Variants in MTHFD1L observed in about 807,000 individuals in gnomAD.
The protein encoded by MTHFD1L is monofunctional C1-tetrahydrofolate synthase, mitochondrial.
A neutral mutation model predicts 119.5 loss-of-function variants in MTHFD1L; 81 were observed. That is an observed-to-expected ratio of 0.68 (90% confidence interval 0.57 to 0.82). The LOEUF (loss-of-function observed/expected upper bound fraction) is 0.82. Ranked by LOEUF, MTHFD1L falls within the 40% of genes least tolerant of loss-of-function variation. The pLI, the probability that MTHFD1L is intolerant of heterozygous loss-of-function variation, is 0.00. For synonymous variants in MTHFD1L, 430 were observed against 475.2 expected, an observed-to-expected ratio of 0.90 and a Z score of 1.24; for missense variants, 1,125 against 1,253.4, an observed-to-expected ratio of 0.90 and a Z score of 1.55.
chr6:150,979,137 G>A (rs943739346), intron 20 of MTHFD1L, among the ~76,000 whole-genome samples: 11 of 152,044 alleles, frequency 7.2e-5, no homozygotes, highest in Non-Finnish European at 1.3e-4. Context: ...ACTTGGGAGG[G>A]TGAGGCAGGA....
chr6:150,964,897 G>C, intron 18 of MTHFD1L, 72 bp from the exon 19 acceptor site: 1 of 1,476,560 alleles, frequency 6.8e-7, no homozygotes, highest in Non-Finnish European at 9.5e-7. Context: ...AGGCTGGAGA[G>C]AAGTGCCAAG....
intron 8 of MTHFD1L, among the ~76,000 whole-genome samples, chr6:150,917,029 G>A (rs959981833): frequency 4.6e-5 from 7 of 151,168 alleles, no homozygotes; most frequent in Non-Finnish European, 8.8e-5. Context: ...CCAAATTGCT[G>A]GGATTACAGG....
intron 4 of MTHFD1L, among the ~76,000 whole-genome samples, chr6:150,878,073 G>A (rs973025307): frequency 1.3e-5 from 2 of 152,180 alleles, no homozygotes; most frequent in Admixed American, 1.3e-4. Flanking sequence ...CTTCAGCTGC[G>A]GTGGCAGCGT....
Position 151,015,574 on chromosome 6 carries a change from T to A in MTHFD1L, c.2467T>A (p.Phe823Ile). ...TGAGCTTGCAAAGCGGGCTGGTGCCTTTGATGCAGTCCCCTGCTATCACTG... is the reference window on the plus strand; with the variant it reads ...TGAGCTTGCAAAGCGGGCTGGTGCCATTGATGCAGTCCCCTGCTATCACTG... ...VCELAKRAGAFDAVPCYHWSV... is the reference protein window; with the variant it reads ...VCELAKRAGAIDAVPCYHWSV... The change falls in exon 24 of 28, where the codon TTT becomes ATT. Residue 823 changes from phenylalanine (F) to isoleucine (I), a missense_variant. Coordinates refer to ENST00000367321, the MANE Select transcript of MTHFD1L (RefSeq NM_015440.5). 6.2e-7 allele frequency: 1 copy of A among 1,614,188 alleles called. No individual in the cohort carries two copies. The highest frequency in any genetic ancestry group is 1.1e-5 in the South Asian group (1 of 91,082).
intron 20 of MTHFD1L, among the ~76,000 whole-genome samples, chr6:151,004,663 A>G (rs1054829010): frequency 3.3e-5 from 5 of 152,102 alleles, no homozygotes; most frequent in Non-Finnish European, 7.4e-5. Context: ...TATTTACCCA[A>G]ATTGTCCCTT....
At chr6:150,894,948 T>G (rs1368616869) in intron 7 of MTHFD1L, among the ~76,000 whole-genome samples, 4 of 152,200 alleles carry the variant, frequency 2.6e-5, no homozygotes, top group Non-Finnish European at 5.9e-5. Context: ...TTTCCAGGCT[T>G]GGAGATGCGT....
At chr6:151,092,346 T>C in intron 26 of MTHFD1L, 121 bp from the exon 27 acceptor site, 1 of 689,118 alleles carries the variant, frequency 1.5e-6, no homozygotes, top group Non-Finnish European at 2.5e-6. Flanking sequence ...AAGAGATATA[T>C]CCCATATAAA....
At chr6:151,091,245 T>TTCCATGCGACTGGGTGCAGCATCGC (rs1794412094) in intron 26 of MTHFD1L, among the ~76,000 whole-genome samples, 1 of 36,204 alleles carries the variant, frequency 2.8e-5, no homozygotes, top group Admixed American at 3.2e-4. Context: ...TGCAGCATCG[T>TTCCATGCGACTGGGTGCAGCATCGC]TCCATGCGAC....
Position 150,971,246 on chromosome 6 carries a change from G to A in MTHFD1L, c.2014-701G>A, listed in dbSNP as rs377240608. Among the ~76,000 whole-genome samples, 133 of 151,924 alleles carry A rather than the reference G, an allele frequency of 8.8e-4. 1 individual carries two copies. Among genetic ancestry groups the A allele is most frequent in the Middle Eastern group, 6.8e-3 (2 of 294 alleles). ...CAGAGTCGGTCTGTCACCCACACTG[G>A]AGTGCAGTGGTGCGATCTCAGCTCA... On this transcript the variant is annotated intron_variant, in intron 19 of 27. Coordinates refer to ENST00000367321, the MANE Select transcript of MTHFD1L (RefSeq NM_015440.5).
intron 5 of MTHFD1L, among the ~76,000 whole-genome samples, chr6:150,883,769 T>A (rs1177637649): frequency 6.6e-6 from 1 of 152,142 alleles, no homozygotes; most frequent in Admixed American, 6.6e-5. Context: ...TTCCTGGGGA[T>A]TAAAACCCCA....
chr6:151,039,802 C>A lies in MTHFD1L; in HGVS notation c.2847+2685C>A, dbSNP rs1395236910. On this transcript the variant is annotated intron_variant, in intron 26 of 27. Transcript: ENST00000367321. The surrounding 1 kb of genome is among the most constrained non-coding windows in gnomAD (Gnocchi z 4.4). ...GGGTGGTGGGCACCTATAATCCCAG[C>A]TGCTCAGGAGGCTGAGGCAGGAGAA... Among the ~76,000 whole-genome samples the A allele has an allele frequency of 6.6e-6, 1 of 152,122 alleles. No homozygotes were observed. The highest frequency in any genetic ancestry group is 1.5e-5 in the Non-Finnish European group (1 of 68,036).
chr6:150,869,439 T>C lies in MTHFD1L; in HGVS notation c.227+3390T>C, dbSNP rs187356727. ...GAGAACATGGGGTGTTTGGTTTCTG[T>C]TCCTGTGTTGGTTTGCTGAGGATGA... On this transcript the variant is annotated intron_variant, in intron 1 of 27. Coordinates refer to ENST00000367321, the MANE Select transcript of MTHFD1L (RefSeq NM_015440.5). Among the ~76,000 whole-genome samples the C allele has an allele frequency of 2.3e-3, 347 of 152,286 alleles. 3 individuals are homozygous for C. Among genetic ancestry groups the C allele is most frequent in the African/African-American group, 7.8e-3 (325 of 41,560 alleles).
At chr6:150,947,416 T>C (rs1471003526) in intron 15 of MTHFD1L, among the ~76,000 whole-genome samples, 5 of 151,632 alleles carry the variant, frequency 3.3e-5, no homozygotes, top group African/African-American at 1.2e-4. Context: ...TCTTAAGATG[T>C]TTTATTTACA....
Position 150,865,871 on chromosome 6 carries a change from C to G in MTHFD1L, c.49C>G (p.Gln17Glu), listed in dbSNP as rs1270189287. The G allele has an allele frequency of 2.5e-6, 3 of 1,212,672 alleles. No homozygotes were observed. In the East Asian group the frequency reaches 1.2e-4, roughly 47 times the overall value. 75.1% of individuals were successfully genotyped at this position (1,212,672 alleles called of 1,614,324 possible). Residue 17 changes from glutamine to glutamate, a missense_variant, in exon 1 of 28, where the codon CAG becomes GAG. Transcript: ENST00000367321. ...CCTGCGCCAGCTCCGCCGCCCGCCC[C>G]AGCCCCCGGGCCCTCCGCGCCGCCT... ...LVLRQLRRPP[Q>E]PPGPPRRLRV... is the part of the protein sequence containing the mutation.
intron 9 of MTHFD1L, 135 bp downstream of exon 9, chr6:150,918,803 G>C (rs1788424440): frequency 4.4e-6 from 3 of 685,900 alleles, no homozygotes; most frequent in South Asian, 3.7e-5. Flanking sequence ...CATTTGATAA[G>C]TGAAGAAATG....
At chr6:150,912,588 C>T in intron 8 of MTHFD1L, 1 of 435,852 alleles carries the variant, frequency 2.3e-6, no homozygotes, top group Non-Finnish European at 4.8e-6. Context: ...GGTCTCTGCA[C>T]TGCTCATATT....
At chr6:151,012,019 CAA>C (rs1043831602) in intron 21 of MTHFD1L, among the ~76,000 whole-genome samples, 8 of 58,826 alleles carry the variant, frequency 1.4e-4, no homozygotes, top group Admixed American at 2.4e-4. Flanking sequence ...ACAACAACAA[CAA>C]AAAAAAAAAA....
At chr6:150,889,126 G>A (rs1222093745) in intron 7 of MTHFD1L, among the ~76,000 whole-genome samples, 18 of 151,550 alleles carry the variant, frequency 1.2e-4, no homozygotes, top group South Asian at 4.1e-4. Flanking sequence ...GCAGTGAGCC[G>A]CGATCGTGCC....
intron 5 of MTHFD1L, among the ~76,000 whole-genome samples, chr6:150,885,071 A>G (rs956755566): frequency 1.9e-4 from 29 of 152,130 alleles, no homozygotes; most frequent in African/African-American, 6.5e-4. Flanking sequence ...GTCCTGGTAT[A>G]TTGGCAGAAC....
Sources: gnomAD v4.1 joint callset for allele counts (sites outside exome capture counted in the v4.1 genomes callset) on GRCh38, gnomAD v4.1.1 for gene constraint, Gnocchi (gnomAD v3.1) non-coding constraint, MANE v1.5 for transcripts, NCBI Gene and HGNC (gene_info 2026-07-23, HGNC 2026-07-21) for gene names.